Variants in GRIK4 observed in about 807,000 individuals in gnomAD.
GRIK4 encodes glutamate ionotropic receptor kainate type subunit 4.
In GRIK4, 40 loss-of-function variants were observed where a neutral mutation model predicts 104.9. That is an observed-to-expected ratio of 0.38 (90% CI 0.30 to 0.50). The LOEUF is 0.50. Among genes scored for constraint, GRIK4 ranks in the 20% least tolerant of loss-of-function variants. The pLI, the probability that GRIK4 is intolerant of heterozygous loss-of-function variation, is 0.93. For synonymous variants in GRIK4, 485 were observed against 524.9 expected (o/e 0.92, Z 1.04); for missense variants, 1,047 against 1,308.1 (o/e 0.80, Z 3.08).
chr11:120,861,560 C>A (rs570131210), intron 8 of GRIK4, among the ~76,000 whole-genome samples: 13 of 152,238 alleles, frequency 8.5e-5, no homozygotes, highest in Admixed American at 6.5e-4. Context: ...GGATTTCTGG[C>A]TGGAGGAGCC....
chr11:120,537,371 A>G (rs1260403315), intron 1 of GRIK4, among the ~76,000 whole-genome samples: 1 of 152,204 alleles, frequency 6.6e-6, no homozygotes, highest in Admixed American at 6.5e-5. Flanking sequence ...GGAACTCTGC[A>G]GAGGGCCTCA....
rs1952492218 is a variant in GRIK4 at position 120,795,456 on chromosome 11, C to A, written c.83-7237C>A. On this transcript the variant is annotated intron_variant, in intron 3 of 20. Coordinates refer to ENST00000527524, the MANE Select transcript of GRIK4 (RefSeq NM_014619.5). Reference sequence around the variant, plus strand: ...CACTCATCGCCTAATGCTGACTGCACCATTGCCAGGCGCCACGTCTACTAC... The same window carrying A: ...CACTCATCGCCTAATGCTGACTGCAACATTGCCAGGCGCCACGTCTACTAC... Among the ~76,000 whole-genome samples, 4 of 152,346 alleles carry A rather than the reference C, an allele frequency of 2.6e-5. No individual in the cohort carries two copies. The East Asian group carries it at 7.7e-4, about 29-fold the overall frequency.
intron 3 of GRIK4, among the ~76,000 whole-genome samples, chr11:120,793,571 A>G (rs1952444100): frequency 1.3e-5 from 2 of 152,152 alleles, no homozygotes. Flanking sequence ...GTGTGAGCTG[A>G]GAGCCAGGGG....
intron 18 of GRIK4, among the ~76,000 whole-genome samples, chr11:120,965,187 A>C (rs1195365350): frequency 6.6e-6 from 1 of 152,236 alleles, no homozygotes; most frequent in Non-Finnish European, 1.5e-5. Flanking sequence ...CAAGATGGAA[A>C]ATTAATCAGG....
At chr11:120,648,504 G>T (rs914215748) in intron 1 of GRIK4, among the ~76,000 whole-genome samples, 2 of 152,200 alleles carry the variant, frequency 1.3e-5, no homozygotes, top group South Asian at 2.1e-4. Context: ...TGTGGAGGGG[G>T]TGATCCTGGT....
chr11:120,930,005 G>A (rs950138731), intron 13 of GRIK4, among the ~76,000 whole-genome samples: 19 of 136,646 alleles, frequency 1.4e-4, no homozygotes, highest in African/African-American at 4.1e-4. Flanking sequence ...CCACGTTTGG[G>A]GGGGGGGTCC....
chr11:120,704,741 T>G (rs1415855891), intron 3 of GRIK4, among the ~76,000 whole-genome samples: 2 of 152,138 alleles, frequency 1.3e-5, no homozygotes, highest in Non-Finnish European at 2.9e-5. Flanking sequence ...CAAACTTTTT[T>G]TTTTTTTTGT....
At chr11:120,592,936 A>C (rs1948752312) in intron 1 of GRIK4, among the ~76,000 whole-genome samples, 2 of 152,196 alleles carry the variant, frequency 1.3e-5, no homozygotes, top group Admixed American at 1.3e-4. Context: ...TAATCCCAGC[A>C]CTTTGGGAGG....
At chr11:120,785,974 A>G (rs1348095788) in intron 3 of GRIK4, among the ~76,000 whole-genome samples, 3 of 152,128 alleles carry the variant, frequency 2.0e-5, no homozygotes, top group African/African-American at 7.2e-5. Context: ...GCAACTGCTT[A>G]CTCAAGAGTG....
chr11:120,723,567 C>A (rs985013310), intron 3 of GRIK4, among the ~76,000 whole-genome samples: 3 of 152,180 alleles, frequency 2.0e-5, no homozygotes, highest in African/African-American at 7.2e-5. Context: ...CCCAAGGTCA[C>A]ACAGATGTAC....
At chr11:120,531,057 G>A (rs998024536) in intron 1 of GRIK4, among the ~76,000 whole-genome samples, 5 of 152,206 alleles carry the variant, frequency 3.3e-5, no homozygotes, top group South Asian at 4.1e-4. Flanking sequence ...GCTCAGGAGC[G>A]GAAGGATGGA....
At chr11:120,543,252 G>A (rs1948054340) in intron 1 of GRIK4, among the ~76,000 whole-genome samples, 1 of 152,100 alleles carries the variant, frequency 6.6e-6, no homozygotes, top group Admixed American at 6.6e-5. Context: ...ATGTACCCCT[G>A]AACCTAAAAG....
At chr11:120,842,876 C>T (rs139589194) in intron 8 of GRIK4, among the ~76,000 whole-genome samples, 9 of 152,246 alleles carry the variant, frequency 5.9e-5, no homozygotes, top group African/African-American at 1.9e-4. Flanking sequence ...TGGTTGATGC[C>T]GTAAGAGAAG....
chr11:120,852,525 A>G (rs547194563), intron 8 of GRIK4, among the ~76,000 whole-genome samples: 1 of 152,238 alleles, frequency 6.6e-6, no homozygotes, highest in African/African-American at 2.4e-5. Context: ...AGGGATGTGC[A>G]TGTCCAGGTT....
chr11:120,575,142 A>G (rs770113325), intron 1 of GRIK4, among the ~76,000 whole-genome samples: 3 of 152,084 alleles, frequency 2.0e-5, no homozygotes, highest in Non-Finnish European at 2.9e-5. Flanking sequence ...CCTGAGGTAG[A>G]CTGGTGGAGG....
intron 3 of GRIK4, among the ~76,000 whole-genome samples, chr11:120,661,114 C>A (rs528741370): frequency 6.6e-6 from 1 of 152,286 alleles, no homozygotes; most frequent in African/African-American, 2.4e-5. Context: ...GGGACACAGC[C>A]AGCCACAGGG....
At chr11:120,847,033 C>G (rs1037848175) in intron 8 of GRIK4, among the ~76,000 whole-genome samples, 2 of 152,196 alleles carry the variant, frequency 1.3e-5, no homozygotes, top group African/African-American at 4.8e-5. Context: ...TCACCTGCTC[C>G]GTAGAGCCCT....
chr11:120,858,848 G>A (rs544271483), intron 8 of GRIK4: 79 of 152,314 alleles, frequency 5.2e-4, no homozygotes, highest in African/African-American at 1.8e-3. Context: ...TTTCCTAACT[G>A]TAAGGATTCT....
intron 4 of GRIK4, among the ~76,000 whole-genome samples, chr11:120,810,119 G>T (rs557172258): frequency 1.3e-5 from 2 of 152,160 alleles, no homozygotes; most frequent in Non-Finnish European, 2.9e-5. Context: ...CATATGTAAA[G>T]TTGAATCTCC....
Sources: gnomAD v4.1 joint callset for allele counts (sites outside exome capture counted in the v4.1 genomes callset) on GRCh38, gnomAD v4.1.1 for gene constraint, MANE v1.5 for transcripts, NCBI Gene and HGNC (gene_info 2026-07-23, HGNC 2026-07-21) for gene names.